The following PCDH11X variants were observed in gnomAD, a reference collection of about 807,000 sequenced individuals.
PCDH11X encodes the protein protocadherin-11 X-linked.
Under a neutral mutation model 53.3 loss-of-function variants are expected in PCDH11X, and 18 were observed. The observed-to-expected ratio is 0.34, with a 90% CI of 0.23 to 0.50. The LOEUF (loss-of-function observed/expected upper bound fraction) is 0.50. PCDH11X is among the 20% of genes least tolerant of loss of function. The pLI, the probability that PCDH11X is intolerant of heterozygous loss-of-function variation, is 0.98. For missense variants in PCDH11X, 570 were observed against 1,032.4 expected, an observed-to-expected ratio of 0.55 and a Z score of 6.14; for synonymous variants, 279 against 393.3, an observed-to-expected ratio of 0.71 and a Z score of 3.44.
At chrX:92,130,851 C>T (rs1434913980) in intron 6 of PCDH11X, among the ~76,000 whole-genome samples, 1 of 109,680 alleles carries the variant, frequency 9.1e-6, no homozygotes, top group Non-Finnish European at 1.9e-5. Flanking sequence ...TTGATATACT[C>T]GACATTCTTT....
chrX:92,186,553 G>A (rs113123976), intron 6 of PCDH11X, among the ~76,000 whole-genome samples: 1 of 108,480 alleles, frequency 9.2e-6, no homozygotes, highest in Non-Finnish European at 1.9e-5. Flanking sequence ...GCTTGAACCC[G>A]GGAGGCGGAG....
chrX:92,492,699 C>T (rs2073788269), intron 10 of PCDH11X, among the ~76,000 whole-genome samples: 1 of 108,504 alleles, frequency 9.2e-6, no homozygotes, highest in African/African-American at 3.4e-5. Context: ...ATGGAATGTA[C>T]TTTGTCGAGA....
chrX:91,782,819 A>G (rs889524513), intron 1 of PCDH11X, among the ~76,000 whole-genome samples: 1 of 111,648 alleles, frequency 9.0e-6, no homozygotes, highest in South Asian at 3.8e-4. Flanking sequence ...TTGCTCTTAT[A>G]GTCCTAAGGA....
chrX:92,331,687 TAC>T (rs2148505393), intron 8 of PCDH11X, among the ~76,000 whole-genome samples: 1 of 111,147 alleles, frequency 9.0e-6, no homozygotes, highest in East Asian at 2.9e-4. Flanking sequence ...GGGGAAATTT[TAC>T]AGAGAAAATT....
At chrX:92,031,230 A>G (rs944399255) in intron 6 of PCDH11X, among the ~76,000 whole-genome samples, 10 of 110,260 alleles carry the variant, frequency 9.1e-5, no homozygotes, top group African/African-American at 3.3e-4. Context: ...TTGTCTAACA[A>G]TCAACGTTGA....
At chrX:92,380,909 C>T (rs1432205637) in intron 8 of PCDH11X, among the ~76,000 whole-genome samples, 3 of 98,965 alleles carry the variant, frequency 3.0e-5, no homozygotes, top group Non-Finnish European at 4.0e-5. Flanking sequence ...TTTTTAATAC[C>T]GTGTGTGTGT....
chrX:92,024,695 C>T (rs1184111535), intron 6 of PCDH11X, among the ~76,000 whole-genome samples: 1 of 88,275 alleles, frequency 1.1e-5, no homozygotes, highest in Non-Finnish European at 2.2e-5. Context: ...AAAAAGAGCC[C>T]TTATAGCCAA....
chrX:91,958,570 G>A (rs1169809134), intron 6 of PCDH11X, among the ~76,000 whole-genome samples: 1 of 110,854 alleles, frequency 9.0e-6, no homozygotes, highest in Non-Finnish European at 1.9e-5. Context: ...CACTTCCCTT[G>A]GATGAGGGTG....
chrX:92,335,651 CCAAA>C (rs1301339106), intron 8 of PCDH11X, among the ~76,000 whole-genome samples: 1 of 110,863 alleles, frequency 9.0e-6, no homozygotes, highest in African/African-American at 3.3e-5. Context: ...CCTGAGTTTT[CCAAA>C]CAGTGTGAAA....
At chrX:92,273,599 G>A (rs1333628954) in intron 8 of PCDH11X, among the ~76,000 whole-genome samples, 5 of 110,269 alleles carry the variant, frequency 4.5e-5, no homozygotes, top group Admixed American at 9.7e-5. Flanking sequence ...TGGAGAGAGA[G>A]TGGACGATGT....
At chrX:91,822,876 T>C (rs1224075042) in intron 4 of PCDH11X, among the ~76,000 whole-genome samples, 1 of 111,556 alleles carries the variant, frequency 9.0e-6, no homozygotes. Context: ...ACGTTGTGTC[T>C]TTGTTCTCAT....
chrX:91,874,521 T>A (rs1004266454), intron 5 of PCDH11X, among the ~76,000 whole-genome samples: 1 of 110,543 alleles, frequency 9.0e-6, no homozygotes, highest in Non-Finnish European at 1.9e-5. Context: ...AATTTTTTTT[T>A]AAATAACGTT....
intron 6 of PCDH11X, among the ~76,000 whole-genome samples, chrX:92,135,400 A>G (rs895837575): frequency 2.7e-5 from 3 of 110,793 alleles, no homozygotes; most frequent in Admixed American, 1.9e-4. Flanking sequence ...GGAATGAATA[A>G]TTTCTTCAAG....
intron 10 of PCDH11X, among the ~76,000 whole-genome samples, chrX:92,609,198 A>G (rs911649408): frequency 2.7e-4 from 30 of 112,029 alleles, no homozygotes; most frequent in African/African-American, 9.1e-4. Context: ...ATGCTGTTTA[A>G]CTTGCACATA....
intron 10 of PCDH11X, among the ~76,000 whole-genome samples, chrX:92,478,009 G>C (rs1159163314): frequency 9.1e-6 from 1 of 109,418 alleles, no homozygotes; most frequent in Non-Finnish European, 1.9e-5. Context: ...GAGGTGATTG[G>C]ATCATAGGAG....
chrX:92,513,939 G>C lies in PCDH11X; in HGVS notation c.3367+45617G>C, dbSNP rs766828031. On this transcript the variant is annotated intron_variant, in intron 10 of 10. Transcript: ENST00000682573. ...CACTAGTCTGCTTTCTGTTCATATA[G>C]TTATATTCTGAACATTTAATATAAA... Among the ~76,000 whole-genome samples the C allele has an allele frequency of 1.0e-4, 11 of 110,368 alleles. No homozygotes were observed. The South Asian group carries it at 3.8e-3, about 38-fold the overall frequency.
chrX:91,908,301 A>G (rs1348849272), intron 6 of PCDH11X, among the ~76,000 whole-genome samples: 2 of 111,794 alleles, frequency 1.8e-5, no homozygotes, highest in East Asian at 5.6e-4. Flanking sequence ...ATAAGAAACT[A>G]TAAGCCTCTA....
At chrX:92,396,315 T>C (rs1316912626) in intron 9 of PCDH11X, among the ~76,000 whole-genome samples, 1 of 99,922 alleles carries the variant, frequency 1.0e-5, no homozygotes, top group Non-Finnish European at 2.0e-5. Context: ...TAAACTCAGC[T>C]CTTCCTCTAT....
intron 7 of PCDH11X, among the ~76,000 whole-genome samples, chrX:92,212,539 C>T (rs375609062): frequency 1.8e-5 from 2 of 110,055 alleles, no homozygotes; most frequent in East Asian, 5.8e-4. Context: ...TAGTAGAGAC[C>T]GGGTTTCTCC....
Sources: allele counts gnomAD v4.1 joint callset (sites outside exome capture counted in the v4.1 genomes callset), GRCh38; gene constraint gnomAD v4.1.1; transcripts MANE v1.5; gene names NCBI Gene and HGNC (gene_info 2026-07-23, HGNC 2026-07-21).